Variants in MARCHF11 observed in about 807,000 individuals in gnomAD.
The protein encoded by MARCHF11 is E3 ubiquitin-protein ligase MARCHF11.
Under a neutral mutation model 37.3 loss-of-function variants are expected in MARCHF11, and 29 were observed. That is an observed-to-expected ratio of 0.78 (90% CI 0.58 to 1.06). The LOEUF (loss-of-function observed/expected upper bound fraction) is 1.06. MARCHF11 is among the 50% of genes least tolerant of loss of function. MARCHF11 has a pLI of 0.00. For synonymous variants in MARCHF11, 233 were observed against 228.0 expected (o/e 1.02, Z -0.20); for missense variants, 482 against 533.4 (o/e 0.90, Z 0.95).
intron 2 of MARCHF11, among the ~76,000 whole-genome samples, chr5:16,130,149 T>C (rs1227576072): frequency 6.6e-6 from 1 of 152,032 alleles, no homozygotes; most frequent in East Asian, 1.9e-4. Flanking sequence ...TTAACATATT[T>C]AATAATTATA....
At chr5:16,171,780 G>A (rs1738270798) in intron 2 of MARCHF11, among the ~76,000 whole-genome samples, 1 of 152,152 alleles carries the variant, frequency 6.6e-6, no homozygotes. Flanking sequence ...TTGGAGCCAT[G>A]ACAAGGCTCC....
Position 16,179,434 on chromosome 5 carries a change from A to G in MARCHF11, c.142T>C (p.Tyr48His). 1 of 1,112,328 alleles carries G rather than the reference A, an allele frequency of 9.0e-7. No individual in the cohort carries two copies. Among genetic ancestry groups the G allele is most frequent in the Non-Finnish European group, 1.1e-6 (1 of 913,366 alleles). 68.9% of individuals were successfully genotyped at this position (1,112,328 alleles called of 1,614,324 possible). Reference protein sequence around the residue: ...EPAPVPAAPRYLPPLPASPET... With the variant: ...EPAPVPAAPRHLPPLPASPET... ...GGGGACGCGGGCAGCGGCGGCAGGT[A>G]GCGCGGGGCCGCGGGGACCGGGGCC... Residue 48 changes from tyrosine (Y) to histidine (H), a missense_variant, in exon 1 of 4, where the codon TAC becomes CAC. Physicochemically the swap from Tyr to His is moderately conservative, Grantham distance 83. Coordinates refer to ENST00000332432, the MANE Select transcript of MARCHF11 (RefSeq NM_001102562.3).
intron 2 of MARCHF11, among the ~76,000 whole-genome samples, chr5:16,103,307 T>C (rs1412266622): frequency 6.6e-6 from 1 of 152,096 alleles, no homozygotes; most frequent in East Asian, 1.9e-4. Context: ...GCAGAGGACC[T>C]GGAGAGGTGA....
At chr5:16,176,565 G>T (rs977129038) in intron 2 of MARCHF11, among the ~76,000 whole-genome samples, 1 of 152,102 alleles carries the variant, frequency 6.6e-6, no homozygotes, top group Non-Finnish European at 1.5e-5. Flanking sequence ...GTCAGCTTGA[G>T]AAATACATAT....
intron 2 of MARCHF11, among the ~76,000 whole-genome samples, chr5:16,146,382 C>A (rs1254037574): frequency 6.6e-6 from 1 of 152,180 alleles, no homozygotes; most frequent in Non-Finnish European, 1.5e-5. Flanking sequence ...AAGCCTTTCT[C>A]CTTTGCTGAA....
At chr5:16,148,813 A>C (rs1352288861) in intron 2 of MARCHF11, among the ~76,000 whole-genome samples, 1 of 152,186 alleles carries the variant, frequency 6.6e-6, no homozygotes, top group African/African-American at 2.4e-5. Context: ...AAAGAGAAAG[A>C]CAGAGAGAGA....
chr5:16,111,777 T>A (rs1042366553), intron 2 of MARCHF11, among the ~76,000 whole-genome samples: 6 of 152,142 alleles, frequency 3.9e-5, no homozygotes, highest in Admixed American at 1.3e-4. Context: ...GCCCCTCCCA[T>A]CATAGGCCTA....
intron 3 of MARCHF11, among the ~76,000 whole-genome samples, chr5:16,079,093 TC>T (rs1329836540): frequency 2.0e-5 from 3 of 152,226 alleles, no homozygotes; most frequent in South Asian, 2.1e-4. Context: ...GCCTGCTCCA[TC>T]CCCCTAGACC....
chr5:16,135,257 T>C (rs1737588713), intron 2 of MARCHF11, among the ~76,000 whole-genome samples: 1 of 152,136 alleles, frequency 6.6e-6, no homozygotes, highest in African/African-American at 2.4e-5. Flanking sequence ...CTGGGTCATT[T>C]ACAGAGGATA....
chr5:16,124,498 G>C (rs569462488), intron 2 of MARCHF11, among the ~76,000 whole-genome samples: 50 of 152,202 alleles, frequency 3.3e-4, no homozygotes, highest in African/African-American at 1.2e-3. Context: ...AGTAAGACAC[G>C]GGAATCCAGG....
intron 2 of MARCHF11, among the ~76,000 whole-genome samples, chr5:16,114,709 C>T (rs1009657565): frequency 2.0e-5 from 3 of 151,598 alleles, no homozygotes; most frequent in African/African-American, 7.3e-5. Flanking sequence ...AGGCTGGTCT[C>T]GAACGCCTGA....
intron 2 of MARCHF11, among the ~76,000 whole-genome samples, chr5:16,103,903 G>A (rs1736997669): frequency 6.6e-6 from 1 of 152,032 alleles, no homozygotes; most frequent in Non-Finnish European, 1.5e-5. Flanking sequence ...GCATGTAAGC[G>A]AAGTTCTCAT....
intron 2 of MARCHF11, among the ~76,000 whole-genome samples, chr5:16,170,871 C>A (rs1738251222): frequency 6.6e-6 from 1 of 152,094 alleles, no homozygotes; most frequent in Non-Finnish European, 1.5e-5. Context: ...GCACTGCAGA[C>A]AGCCTGGGGT....
intron 2 of MARCHF11, among the ~76,000 whole-genome samples, chr5:16,159,090 C>T (rs1738030263): frequency 6.6e-6 from 1 of 151,796 alleles, no homozygotes; most frequent in Non-Finnish European, 1.5e-5. Context: ...ATAAATACAA[C>T]TTCTATTCAT....
intron 3 of MARCHF11, among the ~76,000 whole-genome samples, chr5:16,073,989 T>C (rs562811812): frequency 6.6e-6 from 1 of 152,244 alleles, no homozygotes; most frequent in South Asian, 2.1e-4. Flanking sequence ...AGATAGACCA[T>C]ATGATAGGCC....
intron 2 of MARCHF11, among the ~76,000 whole-genome samples, chr5:16,111,762 G>C (rs115651853): frequency 0.013 from 1,983 of 152,302 alleles, 46 homozygotes; most frequent in African/African-American, 0.045. Context: ...GACCTTTGGA[G>C]AGCAGCCCCT....
At chr5:16,141,883 C>G (rs1317406767) in intron 2 of MARCHF11, among the ~76,000 whole-genome samples, 1 of 152,214 alleles carries the variant, frequency 6.6e-6, no homozygotes, top group Non-Finnish European at 1.5e-5. Context: ...TGCCTCACGG[C>G]ATGAGGACCC....
chr5:16,173,318 C>T (rs373680578), intron 2 of MARCHF11, among the ~76,000 whole-genome samples: 2 of 152,164 alleles, frequency 1.3e-5, no homozygotes, highest in East Asian at 3.9e-4. Flanking sequence ...GGCCTCCTGC[C>T]TACTCACAGG....
chr5:16,143,570 G>A (rs1401463358), intron 2 of MARCHF11, among the ~76,000 whole-genome samples: 1 of 152,244 alleles, frequency 6.6e-6, no homozygotes, highest in Admixed American at 6.5e-5. Context: ...CTGTTCAGCC[G>A]GAATGTGCCC....
Sources: allele counts gnomAD v4.1 joint callset (sites outside exome capture counted in the v4.1 genomes callset), GRCh38; gene constraint gnomAD v4.1.1; transcripts MANE v1.5; gene names NCBI Gene and HGNC (gene_info 2026-07-23, HGNC 2026-07-21).